Variants in DLG2 observed in about 807,000 individuals in gnomAD.
DLG2 encodes the protein disks large homolog 2.
DLG2 carries 45 observed loss-of-function variants against 132.5 expected under a neutral mutation model. The observed-to-expected ratio is 0.34, with a 90% CI of 0.27 to 0.44. The LOEUF (loss-of-function observed/expected upper bound fraction) is 0.44, where lower values mean the gene tolerates loss of function less well. DLG2 is among the 20% of genes least tolerant of loss of function. The pLI is 1.00. For missense variants in DLG2, 1,045 were observed against 1,196.9 expected (o/e 0.87, Z 1.87); for synonymous variants, 424 against 419.6 (o/e 1.01, Z -0.13).
At chr11:85,301,862 G>C (rs2079605156) in intron 3 of DLG2, among the ~76,000 whole-genome samples, 1 of 152,176 alleles carries the variant, frequency 6.6e-6, no homozygotes, top group African/African-American at 2.4e-5. Context: ...TTTCTAGTTA[G>C]AACTTAGCTA....
chr11:85,126,788 C>T (rs1221764848), intron 5 of DLG2, among the ~76,000 whole-genome samples: 1 of 152,160 alleles, frequency 6.6e-6, no homozygotes, highest in Admixed American at 6.5e-5. Flanking sequence ...GAACAGAGTG[C>T]CTACTCCCTA....
At chr11:83,596,096 C>A (rs1391620840) in intron 19 of DLG2, among the ~76,000 whole-genome samples, 4 of 152,080 alleles carry the variant, frequency 2.6e-5, no homozygotes, top group African/African-American at 9.7e-5. Context: ...AACAATATAA[C>A]TGAATCAAAT....
chr11:84,601,510 TTGAAGAGAGCA>T (rs1032455684), intron 6 of DLG2, among the ~76,000 whole-genome samples: 1 of 152,032 alleles, frequency 6.6e-6, no homozygotes, highest in Non-Finnish European at 1.5e-5. Context: ...CATAAATATG[TTGAAGAGAGCA>T]TGACTTATGA....
chr11:85,601,354 T>C (rs2153234020), intron 2 of DLG2, among the ~76,000 whole-genome samples: 1 of 152,136 alleles, frequency 6.6e-6, no homozygotes, highest in African/African-American at 2.4e-5. Flanking sequence ...ACTTTTTTTT[T>C]TTTTGAGATG....
intron 7 of DLG2, among the ~76,000 whole-genome samples, chr11:84,373,556 C>G (rs1261926921): frequency 6.6e-6 from 1 of 150,964 alleles, no homozygotes; most frequent in Non-Finnish European, 1.5e-5. Context: ...GGTGACAGAG[C>G]AAGACTCTGT....
chr11:83,522,804 GCC>G (rs60229392), intron 21 of DLG2, among the ~76,000 whole-genome samples: 59,581 of 132,180 alleles, frequency 0.45, 12,464 homozygotes, highest in Middle Eastern at 0.57. Flanking sequence ...TAATTTTAGA[GCC>G]CCCCCCCCCT....
At chr11:85,156,880 G>A (rs961219466) in intron 4 of DLG2, among the ~76,000 whole-genome samples, 1 of 152,194 alleles carries the variant, frequency 6.6e-6, no homozygotes, top group South Asian at 2.1e-4. Context: ...ATCTATCTAT[G>A]CATCTCTTTG....
chr11:84,133,117 T>C (rs555095216), intron 9 of DLG2, among the ~76,000 whole-genome samples: 4 of 152,076 alleles, frequency 2.6e-5, no homozygotes, highest in Non-Finnish European at 5.9e-5. Context: ...TGCTGTAGCA[T>C]AGGCAACCAG....
intron 7 of DLG2, among the ~76,000 whole-genome samples, chr11:84,431,436 CATATAA>C (rs1394863580): frequency 4.6e-5 from 7 of 152,150 alleles, no homozygotes; most frequent in Non-Finnish European, 1.0e-4. Flanking sequence ...GTTGTTTAGA[CATATAA>C]ATATATAGTG....
chr11:84,385,689 T>A (rs1028335276), intron 7 of DLG2, among the ~76,000 whole-genome samples: 2 of 152,096 alleles, frequency 1.3e-5, no homozygotes, highest in Non-Finnish European at 2.9e-5. Context: ...ATTTGAGTGA[T>A]ACTGATCAAA....
At chr11:84,433,789 T>G (rs1248933767) in intron 7 of DLG2, among the ~76,000 whole-genome samples, 1 of 152,146 alleles carries the variant, frequency 6.6e-6, no homozygotes, top group Non-Finnish European at 1.5e-5. Flanking sequence ...AACGTTAAGG[T>G]TAAAATGATA....
At chr11:85,219,552 C>T (rs1377424389) in intron 4 of DLG2, among the ~76,000 whole-genome samples, 2 of 151,782 alleles carry the variant, frequency 1.3e-5, no homozygotes, top group African/African-American at 2.4e-5. Flanking sequence ...TATTTTCTTG[C>T]ATTTCCTAGC....
chr11:85,340,012 G>A (rs572095400), intron 3 of DLG2, among the ~76,000 whole-genome samples: 2 of 152,216 alleles, frequency 1.3e-5, no homozygotes, highest in African/African-American at 4.8e-5. Context: ...AGGATGTTGA[G>A]AAATAGGAAT....
chr11:84,362,461 C>A (rs1347623193), intron 7 of DLG2, among the ~76,000 whole-genome samples: 1 of 151,702 alleles, frequency 6.6e-6, no homozygotes, highest in East Asian at 1.9e-4. Flanking sequence ...AATTTATCTA[C>A]CTCACCTGAA....
intron 3 of DLG2, among the ~76,000 whole-genome samples, chr11:85,305,152 A>G (rs2079855852): frequency 6.6e-6 from 1 of 152,228 alleles, no homozygotes; most frequent in African/African-American, 2.4e-5. Flanking sequence ...ATCTAATGAA[A>G]GACATATACT....
At chr11:84,796,795 GTCTTT>G (rs1421196601) in intron 6 of DLG2, among the ~76,000 whole-genome samples, 2 of 151,068 alleles carry the variant, frequency 1.3e-5, no homozygotes, top group South Asian at 2.1e-4. Context: ...TGTTATTTGT[GTCTTT>G]TCTTTTGTTG....
intron 7 of DLG2, among the ~76,000 whole-genome samples, chr11:84,480,255 C>T (rs941990981): frequency 1.3e-5 from 2 of 152,120 alleles, no homozygotes; most frequent in Non-Finnish European, 2.9e-5. Flanking sequence ...CATCATTATA[C>T]TGTTTTGCCT....
rs1023196044 is a variant in DLG2, at chr11:83,563,584, A to T, written c.1941-21726T>A. ...GAAGAGTACAATCGTGTTAAAAGCTACTTTTATATAGCAACTACTAGGTGC... is the reference window on the plus strand; with the variant it reads ...GAAGAGTACAATCGTGTTAAAAGCTTCTTTTATATAGCAACTACTAGGTGC... On this transcript the variant is annotated intron_variant, in intron 19 of 27. Transcript: ENST00000376104. Among the ~76,000 whole-genome samples, 4 of 152,226 alleles carry T rather than the reference A, an allele frequency of 2.6e-5. No homozygotes were observed. The East Asian group carries it at 7.7e-4, about 29-fold the overall frequency.
intron 7 of DLG2, chr11:84,437,447 A>G (rs1277702573): frequency 6.6e-6 from 1 of 152,060 alleles, no homozygotes; most frequent in Non-Finnish European, 1.5e-5. Context: ...TTCTTAGCAT[A>G]CCAGATAGAG....
Sources: gnomAD v4.1 joint callset for allele counts (sites outside exome capture counted in the v4.1 genomes callset) on GRCh38, gnomAD v4.1.1 for gene constraint, MANE v1.5 for transcripts, NCBI Gene and HGNC (gene_info 2026-07-23, HGNC 2026-07-21) for gene names.